The following TENM1 variants were observed in gnomAD, a reference collection of about 807,000 sequenced individuals.
TENM1 encodes teneurin transmembrane protein 1.
Under a neutral mutation model 174.8 loss-of-function variants are expected in TENM1, and 35 were observed. That is an observed-to-expected ratio of 0.20 (90% CI 0.15 to 0.27). TENM1 has a LOEUF of 0.27. TENM1 is among the 10% of genes least tolerant of loss of function. The pLI is 1.00. For synonymous variants in TENM1, 781 were observed against 798.7 expected, an observed-to-expected ratio of 0.98 and a Z score of 0.37; for missense variants, 1,633 against 2,130.1, an observed-to-expected ratio of 0.77 and a Z score of 4.59.
At position 124,723,928 on chromosome X, in the gene TENM1, C is replaced by T. The variant is rs147830534; in HGVS notation, c.776+13029G>A. 5.5e-3 allele frequency among the ~76,000 whole-genome samples: 617 copies of T among 111,399 alleles called. 8 individuals carry two copies. The highest frequency in any genetic ancestry group is 0.019 in the African/African-American group (584 of 30,687). ...CTGGGTTTTAACTGACTCCACTACA[C>T]GTAACTGATGACCCTGTGGCATGTT... On this transcript the variant is annotated intron_variant, in intron 4 of 31. Transcript: ENST00000422452.
At chrX:125,046,012 G>A in the TENM1 span, among the ~76,000 whole-genome samples, 1 of 110,859 alleles carries the variant, frequency 9.0e-6, no homozygotes, top group Non-Finnish European at 1.9e-5. Context: ...TTTGGAGGTA[G>A]TTTGGGAAAA....
intron 23 of TENM1, among the ~76,000 whole-genome samples, chrX:124,439,590 C>T (rs1048816347): frequency 2.7e-5 from 3 of 111,397 alleles, no homozygotes; most frequent in African/African-American, 9.8e-5. Flanking sequence ...TTTGCTACAG[C>T]CCATCACACT....
chrX:124,887,692 A>G (rs1462793128), intron 3 of TENM1, among the ~76,000 whole-genome samples: 9 of 111,474 alleles, frequency 8.1e-5, no homozygotes, highest in Non-Finnish European at 1.3e-4. Context: ...CCACACATAA[A>G]GTAATCCCAA....
chrX:124,523,944 G>A (rs183605769), intron 16 of TENM1, among the ~76,000 whole-genome samples: 7 of 101,830 alleles, frequency 6.9e-5, no homozygotes, highest in Admixed American at 1.1e-4. Flanking sequence ...GTGTGATCTC[G>A]GCTCACTGCA....
intron 25 of TENM1, chrX:124,411,964 A>T (rs1432500441): frequency 1.8e-5 from 2 of 112,226 alleles, no homozygotes; most frequent in African/African-American, 6.5e-5. Flanking sequence ...AGGCCACAGC[A>T]TGGGAGCAAA....
At chrX:125,107,470 C>T in the TENM1 span, among the ~76,000 whole-genome samples, 1 of 111,890 alleles carries the variant, frequency 8.9e-6, no homozygotes, top group South Asian at 3.8e-4. Flanking sequence ...TATATTGCCA[C>T]ATTTAAATGG....
At position 124,407,418 on chromosome X, in the gene TENM1, T is replaced by C. The variant is rs928929477; in HGVS notation, c.4983-929A>G. Among the ~76,000 whole-genome samples, 8 of 112,162 alleles carry C rather than the reference T, an allele frequency of 7.1e-5. No individual in the cohort carries two copies. In the Admixed American group the frequency reaches 7.6e-4, roughly 11 times the overall value. On this transcript the variant is annotated intron_variant, in intron 25 of 31. Coordinates refer to ENST00000422452, the Ensembl canonical transcript of TENM1. ...TTTTCAAGTTGCAAATTACAAAATATTTAAGCACTTTTATTTGCCTTTTAA... is the reference window on the plus strand; with the variant it reads ...TTTTCAAGTTGCAAATTACAAAATACTTAAGCACTTTTATTTGCCTTTTAA...
At chrX:124,685,237 ATTAAC>A (rs1360885604) in intron 5 of TENM1, among the ~76,000 whole-genome samples, 4 of 112,013 alleles carry the variant, frequency 3.6e-5, no homozygotes, top group South Asian at 3.7e-4. Context: ...ATTCAAAATA[ATTAAC>A]TTAAAGAAGC....
At chrX:125,104,779 TA>T in the TENM1 span, among the ~76,000 whole-genome samples, 246 of 112,064 alleles carry the variant, frequency 2.2e-3, no homozygotes, top group African/African-American at 6.9e-3. Context: ...AATGCCTTTC[TA>T]AAAAAATTTA....
At chrX:124,380,881 C>T (rs768439330) in exon 32 of TENM1, 2 of 1,211,859 alleles carry the variant, frequency 1.7e-6, no homozygotes, top group Non-Finnish European at 2.2e-6. Flanking sequence ...TCCCATTCAA[C>T]ACAGAAGTCA....
chrX:125,040,282 G>A, the TENM1 span, among the ~76,000 whole-genome samples: 1 of 110,527 alleles, frequency 9.0e-6, no homozygotes, highest in South Asian at 3.8e-4. Flanking sequence ...TTGCGATCTT[G>A]TATTCTGTTT....
At chrX:125,144,739 TA>T in the TENM1 span, among the ~76,000 whole-genome samples, 2,513 of 93,133 alleles carry the variant, frequency 0.027, 65 homozygotes, top group African/African-American at 0.099. Flanking sequence ...CAGGTGCTCA[TA>T]ATTTTTTTTT....
chrX:124,833,666 T>G (rs1026563116), intron 3 of TENM1, among the ~76,000 whole-genome samples: 1 of 111,653 alleles, frequency 9.0e-6, no homozygotes, highest in Non-Finnish European at 1.9e-5. Context: ...AATAATATTG[T>G]ATACTTTTTC....
At chrX:124,546,784 G>T in intron 15 of TENM1, 90 bp downstream of exon 18, 1 of 776,041 alleles carries the variant, frequency 1.3e-6, no homozygotes, top group Non-Finnish European at 1.9e-6. Context: ...GGAATGGGAA[G>T]TAACCTGATC....
At chrX:124,408,772 A>C (rs1354726597) in intron 25 of TENM1, among the ~76,000 whole-genome samples, 1 of 100,111 alleles carries the variant, frequency 1.0e-5, no homozygotes, top group South Asian at 4.9e-4. Context: ...GCACCCGTTA[A>C]CTCGTCATTT....
chrX:124,593,899 T>C (rs1371286851), intron 11 of TENM1, among the ~76,000 whole-genome samples: 1 of 112,020 alleles, frequency 8.9e-6, no homozygotes, highest in Non-Finnish European at 1.9e-5. Context: ...TGGAGGCCCC[T>C]ACCCTACTCC....
At chrX:125,057,351 C>T in the TENM1 span, among the ~76,000 whole-genome samples, 2 of 92,014 alleles carry the variant, frequency 2.2e-5, no homozygotes, top group Non-Finnish European at 4.1e-5. Context: ...TATATCTATA[C>T]ATACATACAC....
intron 5 of TENM1, among the ~76,000 whole-genome samples, chrX:124,674,676 AAGCTATATTAGTGACATCCT>A (rs1464612319): frequency 2.7e-5 from 3 of 111,554 alleles, no homozygotes; most frequent in African/African-American, 9.7e-5. Context: ...CACATTAATA[AAGCTATATTAGTGACATCCT>A]TGAGATTTCC....
intron 11 of TENM1, among the ~76,000 whole-genome samples, chrX:124,628,443 T>A (rs1393552848): frequency 9.0e-6 from 1 of 110,941 alleles, no homozygotes; most frequent in African/African-American, 3.3e-5. Flanking sequence ...TTAGTAAAAA[T>A]TATTAAAATT....
Sources: gnomAD v4.1 joint callset for allele counts (sites outside exome capture counted in the v4.1 genomes callset) on GRCh38, gnomAD v4.1.1 for gene constraint, MANE v1.5 for transcripts, NCBI Gene and HGNC (gene_info 2026-07-23, HGNC 2026-07-21) for gene names.